Variants in KIF26A observed in about 807,000 individuals in gnomAD.
KIF26A encodes the protein kinesin family member 26A.
In KIF26A, 74 loss-of-function variants were observed where a neutral mutation model predicts 126.0. That is an observed-to-expected ratio of 0.59 (90% CI 0.49 to 0.71). KIF26A has a LOEUF of 0.71. KIF26A is among the 30% of genes least tolerant of loss of function. KIF26A has a pLI of 0.00. For synonymous variants in KIF26A, 1,445 were observed against 1,232.7 expected (o/e 1.17, Z -3.61); for missense variants, 2,984 against 2,763.3 (o/e 1.08, Z -1.79).
intron 5 of KIF26A, among the ~76,000 whole-genome samples, chr14:104,167,475 G>A (rs370827841): frequency 3.9e-5 from 6 of 152,108 alleles, no homozygotes; most frequent in African/African-American, 7.2e-5. Context: ...ATGGGAAAGC[G>A]GGATGCGTGA....
intron 4 of KIF26A, among the ~76,000 whole-genome samples, chr14:104,158,884 C>G (rs757316257): frequency 1.3e-5 from 2 of 152,198 alleles, no homozygotes; most frequent in Non-Finnish European, 2.9e-5. Context: ...ATGTAATTGC[C>G]ATAATGCCTG....
intron 4 of KIF26A, among the ~76,000 whole-genome samples, chr14:104,160,325 C>G (rs908916161): frequency 6.6e-6 from 1 of 152,142 alleles, no homozygotes; most frequent in Non-Finnish European, 1.5e-5. Flanking sequence ...ACAAGCACCC[C>G]CCAGCCGGAT....
At chr14:104,157,677 C>T (rs927335838) in intron 3 of KIF26A, 78 bp from the exon 4 acceptor site, 125 of 1,471,566 alleles carry the variant, frequency 8.5e-5, no homozygotes, top group Non-Finnish European at 1.1e-4. Flanking sequence ...CCAGGCCTGT[C>T]TCTCCCACTC....
In KIF26A at chr14:104,167,119, G is replaced by A. The variant is rs2037914059; in HGVS notation, c.1113+71G>A. On this transcript the variant is annotated intron_variant, in intron 5 of 14. Transcript: ENST00000423312. ...GCGTCTGAGAAGACGCAGGAGGGGT[G>A]AGGGAGTGGAGGGGCTGCCACTTCC... 3 of 1,381,460 alleles carry A rather than the reference G, an allele frequency of 2.2e-6. No individual in the cohort carries two copies. The African/African-American group carries it at 4.4e-5, about 20-fold the overall frequency. The allele number at this position is 1,381,460 out of a possible 1,614,324, so 85.6% of individuals were successfully genotyped here. A position where few individuals can be genotyped will look rare whatever the true frequency, so the allele number is the denominator to read the frequency against.
At chr14:104,141,706 C>A (rs540682995) in intron 2 of KIF26A, among the ~76,000 whole-genome samples, 1 of 151,750 alleles carries the variant, frequency 6.6e-6, no homozygotes, top group East Asian at 1.9e-4. Flanking sequence ...TAGAGGGAGG[C>A]GTAGAGGGTC....
chr14:104,174,992 G>A lies in KIF26A; in HGVS notation c.2204G>A (p.Ser735Asn). 6.5e-7 allele frequency: 1 copy of A among 1,544,524 alleles called. No homozygotes were observed. The highest frequency in any genetic ancestry group is 8.7e-7 in the Non-Finnish European group (1 of 1,148,548). The change falls in exon 12 of 15, where the codon AGC becomes AAC. Residue 735 changes from serine (S) to asparagine (N), a missense_variant. Ser to Asn is a conservative substitution (Grantham distance 46). Transcript: ENST00000423312. ...CTTTTCTTCCCCCAGTACGCCTCCA[G>A]CTCCTCTGGCGGGGAGAGCTCCTGT... The part of the protein sequence containing the change: ...LRRKKAKYAS[S>N]SSGGESSCEE...
chr14:104,159,929 G>C (rs190231628), intron 4 of KIF26A, among the ~76,000 whole-genome samples: 1 of 152,166 alleles, frequency 6.6e-6, no homozygotes, highest in Non-Finnish European at 1.5e-5. Context: ...CTGTGGCTCT[G>C]AGTGGGGACG....
chr14:104,179,386 T>C lies in KIF26A; in HGVS notation c.5467T>C (p.Phe1823Leu). The change falls in exon 14 of 15, where the codon TTT becomes CTT. Residue 1823 changes from phenylalanine (F) to leucine (L), a missense_variant and splice_region_variant. Transcript: ENST00000423312. ...GGAGCCTGGCCGCTGGCTGGAGCAG[T>C]GTGAGTCCCGCCCGCCCACGGACCC... ...MLEPGRWLEQ[F>L]EVDPELEPES... 6.6e-7 allele frequency: 1 copy of C among 1,511,266 alleles called. No homozygotes were observed. Among genetic ancestry groups the C allele is most frequent in the Non-Finnish European group, 8.8e-7 (1 of 1,134,520 alleles). The allele number at this position is 1,511,266 out of a possible 1,614,324, so 93.6% of individuals were successfully genotyped here.
chr14:104,171,685 G>T (rs566052004), intron 5 of KIF26A, 38 bp from the exon 6 acceptor site: 2 of 1,512,328 alleles, frequency 1.3e-6, no homozygotes, highest in African/African-American at 1.4e-5. Flanking sequence ...CCGGCTGGGC[G>T]GAGGCAGCTT....
rs1373658529 is a variant in KIF26A at position 104,139,229 on chromosome 14, C to CT, written c.230dup (p.Val78GlyfsTer49). 6.4e-7 allele frequency: 1 copy of CT among 1,557,780 alleles called. No homozygotes were observed. Among genetic ancestry groups the CT allele is most frequent in the Admixed American group, 1.9e-5 (1 of 52,130 alleles). ...CTGGTGCCGCCACTGCCACACGAAG[C>CT]TGGTGGAGCTCAAGCGACAGGCGTG... On this transcript the variant is annotated frameshift_variant, in exon 2 of 15. Transcript: ENST00000423312. LOFTEE classifies it high-confidence loss of function.
rs529713953 is a variant in KIF26A, at chr14:104,159,497, A to G, written c.923+1555A>G. Among the ~76,000 whole-genome samples, 25 of 152,304 alleles carry G rather than the reference A, an allele frequency of 1.6e-4. No homozygotes were observed. The East Asian group carries it at 4.8e-3, about 29-fold the overall frequency. On this transcript the variant is annotated intron_variant, in intron 4 of 14. Transcript: ENST00000423312. Reference sequence around the variant, plus strand: ...AAGTAAGGGTAGGGTGTCGGCCCCCAGGCCGGTGCGTTGGTGACCTGGAGC... The same window carrying G: ...AAGTAAGGGTAGGGTGTCGGCCCCCGGGCCGGTGCGTTGGTGACCTGGAGC...
chr14:104,176,513 C>T lies in KIF26A; in HGVS notation c.3725C>T (p.Pro1242Leu). 2 of 1,605,206 alleles carry T rather than the reference C, an allele frequency of 1.2e-6. No homozygotes were observed. Among genetic ancestry groups the T allele is most frequent in the Non-Finnish European group, 1.7e-6 (2 of 1,179,668 alleles). Residue 1242 changes from proline to leucine, a missense_variant, in exon 12 of 15, where the codon CCA becomes CTA. Physicochemically the swap from Pro to Leu is moderately conservative, Grantham distance 98. Transcript: ENST00000423312. ...PPGRGGLFED[P>L]WLLRVGECDT... ...GGCCGTGGAGGCCTGTTTGAGGACC[C>T]ATGGCTGCTCCGGGTAGGGGAGTGT...
At chr14:104,160,605 G>A (rs933625234) in intron 4 of KIF26A, among the ~76,000 whole-genome samples, 1 of 152,082 alleles carries the variant, frequency 6.6e-6, no homozygotes, top group Admixed American at 6.5e-5. Context: ...GGTGGGGCGC[G>A]TGGGCCGGGT....
chr14:104,163,197 C>T (rs1031284556), intron 4 of KIF26A, among the ~76,000 whole-genome samples: 1 of 152,080 alleles, frequency 6.6e-6, no homozygotes, highest in Non-Finnish European at 1.5e-5. Flanking sequence ...CCCACCTGTG[C>T]CCCCAAATGG....
intron 5 of KIF26A, among the ~76,000 whole-genome samples, chr14:104,169,718 G>T (rs1325347776): frequency 1.3e-5 from 2 of 152,192 alleles, no homozygotes; most frequent in African/African-American, 4.8e-5. Flanking sequence ...ATCCCTGTCT[G>T]GGTGGGTGCT....
intron 13 of KIF26A, 24 bp from the exon 14 acceptor site, chr14:104,179,212 G>A (rs1156346748): frequency 1.4e-6 from 2 of 1,441,290 alleles, no homozygotes; most frequent in Non-Finnish European, 1.8e-6. Context: ...CCATGCCTGA[G>A]CCCCCGCCCG....
intron 5 of KIF26A, among the ~76,000 whole-genome samples, chr14:104,169,937 A>G (rs535182128): frequency 1.3e-5 from 2 of 152,260 alleles, no homozygotes; most frequent in South Asian, 2.1e-4. Context: ...TCGGCAGACA[A>G]TGGCCTGCGC....
Position 104,177,072 on chromosome 14 carries a change from A to G in KIF26A, c.4284A>G (p.Ala1428=), listed in dbSNP as rs2487303. ...SLKARASKVE[A]AHRLAGHASL... ...AGGCCCGGGCCAGCAAGGTAGAAGC[A>G]GCACACCGTCTTGCCGGACACGCGT... Residue 1428 remains alanine, a synonymous_variant, in exon 12 of 15, where the codon GCA becomes GCG. Coordinates refer to ENST00000423312, the MANE Select transcript of KIF26A (RefSeq NM_015656.2). 0.72 allele frequency: 1,149,736 copies of G among 1,592,130 alleles called. 416,684 individuals carry two copies. Among genetic ancestry groups the G allele is most frequent in the Middle Eastern group, 0.83 (5,015 of 6,036 alleles).
rs1190586564 is a variant in KIF26A at position 104,179,128 on chromosome 14, C to A, written c.5317-108C>A. The A allele has an allele frequency of 1.3e-5, 17 of 1,270,922 alleles. No homozygotes were observed. The East Asian group carries it at 4.0e-4, about 30-fold the overall frequency. The allele number at this position is 1,270,922 out of a possible 1,614,324, so 78.7% of individuals were successfully genotyped here. A position where few individuals can be genotyped will look rare whatever the true frequency, so the allele number is the denominator to read the frequency against. Reference sequence around the variant, plus strand: ...CCCGCCCTTGGAGCCCCACTGTGTGCCTGCCAAGGCCTGGCAGGTGAAGGG... The same window carrying A: ...CCCGCCCTTGGAGCCCCACTGTGTGACTGCCAAGGCCTGGCAGGTGAAGGG... On this transcript the variant is annotated intron_variant, in intron 13 of 14. Transcript: ENST00000423312.
Sources: gnomAD v4.1 joint callset for allele counts (sites outside exome capture counted in the v4.1 genomes callset) on GRCh38, gnomAD v4.1.1 for gene constraint, MANE v1.5 for transcripts, NCBI Gene and HGNC (gene_info 2026-07-23, HGNC 2026-07-21) for gene names.